SPECC1: variants seen among roughly 807,000 people sequenced by gnomAD.
SPECC1 encodes the protein sperm antigen with calponin homology and coiled-coil domains 1.
SPECC1 carries 62 observed loss-of-function variants against 104.1 expected under a neutral mutation model. The observed-to-expected ratio is 0.60, with a 90% CI of 0.49 to 0.74. SPECC1 has a LOEUF of 0.74. Ranked by LOEUF, SPECC1 falls within the 30% of genes least tolerant of loss-of-function variation. The probability of loss-of-function intolerance (pLI) is 0.00; values close to 1 mark genes in which losing one functional copy is unlikely to be tolerated. For missense variants in SPECC1, 1,306 were observed against 1,310.5 expected (o/e 1.00, Z 0.05); for synonymous variants, 513 against 501.6 (o/e 1.02, Z -0.30).
chr17:20,227,679 C>G, intron 5 of SPECC1, 59 bp downstream of exon 5: 2 of 1,512,044 alleles, frequency 1.3e-6, no homozygotes, highest in Non-Finnish European at 1.8e-6. Flanking sequence ...CTTTGGGAGG[C>G]TGAGGCAGGA....
At chr17:20,085,596 C>A (rs1047619573) in intron 1 of SPECC1, among the ~76,000 whole-genome samples, 1 of 152,220 alleles carries the variant, frequency 6.6e-6, no homozygotes, top group African/African-American at 2.4e-5. Context: ...ATTCCAGGCA[C>A]TGAATAAATT....
At chr17:20,304,117 C>CAAAAAAA (rs774130653) in intron 13 of SPECC1, among the ~76,000 whole-genome samples, 2 of 39,336 alleles carry the variant, frequency 5.1e-5, no homozygotes, top group South Asian at 1.7e-3. Flanking sequence ...ACTAAAAATA[C>CAAAAAAA]AAAAAAAAAA....
intron 3 of SPECC1, among the ~76,000 whole-genome samples, chr17:20,187,696 C>G (rs1268385545): frequency 2.0e-5 from 3 of 152,170 alleles, no homozygotes; most frequent in Non-Finnish European, 4.4e-5. Context: ...TTTTCTCTTG[C>G]AACCAAGAGA....
At chr17:20,210,888 A>G (rs1027751603) in intron 4 of SPECC1, among the ~76,000 whole-genome samples, 20 of 151,824 alleles carry the variant, frequency 1.3e-4, no homozygotes, top group Admixed American at 7.2e-4. Flanking sequence ...TCTGGCAGTC[A>G]TGTTTGCTCA....
At chr17:20,057,049 G>T (rs56371654) in intron 1 of SPECC1, among the ~76,000 whole-genome samples, 32,741 of 152,072 alleles carry the variant, frequency 0.22, 4,576 homozygotes, top group Middle Eastern at 0.35. Context: ...TATGCATTCA[G>T]ATTAAATATG....
intron 2 of SPECC1, among the ~76,000 whole-genome samples, chr17:20,102,130 G>A (rs1184653399): frequency 6.6e-6 from 1 of 152,172 alleles, no homozygotes; most frequent in Non-Finnish European, 1.5e-5. Flanking sequence ...GCTGTGGCCA[G>A]GAAACAAAGC....
At chr17:20,212,770 G>A (rs1307775310) in intron 4 of SPECC1, among the ~76,000 whole-genome samples, 1 of 152,218 alleles carries the variant, frequency 6.6e-6, no homozygotes, top group Non-Finnish European at 1.5e-5. Flanking sequence ...TAGGTGTTCA[G>A]TAAATACTTT....
intron 4 of SPECC1, among the ~76,000 whole-genome samples, chr17:20,216,251 C>T (rs569019708): frequency 6.8e-4 from 104 of 152,070 alleles, no homozygotes; most frequent in Middle Eastern, 3.4e-3. Flanking sequence ...TATCTGCAGT[C>T]GGGGAGAGCA....
intron 1 of SPECC1, among the ~76,000 whole-genome samples, chr17:20,035,728 C>G (rs2045045334): frequency 6.6e-6 from 1 of 152,060 alleles, no homozygotes; most frequent in Admixed American, 6.5e-5. Context: ...CTAAAACAAT[C>G]CTCCTTTGTC....
At chr17:20,192,048 T>G (rs1438521123) in intron 3 of SPECC1, among the ~76,000 whole-genome samples, 2 of 152,126 alleles carry the variant, frequency 1.3e-5, no homozygotes. Flanking sequence ...GTGATCCTTC[T>G]TCTTCAGTCT....
At chr17:20,036,478 T>C (rs2045086232) in intron 1 of SPECC1, among the ~76,000 whole-genome samples, 2 of 152,238 alleles carry the variant, frequency 1.3e-5, no homozygotes, top group African/African-American at 4.8e-5. Context: ...GTATTTATCA[T>C]GTACAACATG....
intron 3 of SPECC1, among the ~76,000 whole-genome samples, chr17:20,195,628 G>C (rs2035982077): frequency 6.6e-6 from 1 of 151,334 alleles, no homozygotes; most frequent in Non-Finnish European, 1.5e-5. Context: ...CGCTATCTTG[G>C]CTCACTGCAA....
At position 20,032,936 on chromosome 17, in the gene SPECC1, GCA is replaced by G. The variant is rs149393057; in HGVS notation, c.-22+23529_-22+23530del. Among the ~76,000 whole-genome samples, 422 of 147,650 alleles carry G rather than the reference GCA, an allele frequency of 2.9e-3. 1 individual carries two copies. The highest frequency in any genetic ancestry group is 8.4e-3 in the African/African-American group (338 of 40,326). ...TGTATGTGTATATACACACACGCGC[GCA>G]CACACACACACACACATATATATAT... On this transcript the variant is annotated intron_variant, in intron 1 of 14. Coordinates refer to ENST00000395527, the MANE Select transcript of SPECC1 (RefSeq NM_001243439.2).
At chr17:20,298,918 C>CG (rs2041444665) in intron 13 of SPECC1, among the ~76,000 whole-genome samples, 5 of 66,474 alleles carry the variant, frequency 7.5e-5, no homozygotes, top group South Asian at 1.6e-3. Flanking sequence ...AAAGCAGAAC[C>CG]AAAAGAGAGA....
intron 1 of SPECC1, among the ~76,000 whole-genome samples, chr17:20,032,509 C>T (rs531099232): frequency 6.6e-6 from 1 of 151,690 alleles, no homozygotes; most frequent in East Asian, 1.9e-4. Context: ...GTATATTTGT[C>T]TCACTAAATT....
chr17:20,086,404 C>T (rs2047178356), intron 1 of SPECC1, among the ~76,000 whole-genome samples: 1 of 152,200 alleles, frequency 6.6e-6, no homozygotes, highest in Non-Finnish European at 1.5e-5. Context: ...AGCCTCTTCA[C>T]ATGCCGAGGC....
chr17:20,105,622 CT>C (rs1311681178), intron 2 of SPECC1, among the ~76,000 whole-genome samples: 13 of 152,212 alleles, frequency 8.5e-5, no homozygotes, highest in African/African-American at 3.1e-4. Context: ...GAGCATGGTG[CT>C]GCAGCTACCT....
chr17:20,184,269 G>A (rs2035113288), intron 3 of SPECC1, among the ~76,000 whole-genome samples: 2 of 151,808 alleles, frequency 1.3e-5, no homozygotes. Context: ...CTATGACCAG[G>A]ATGTATTATC....
chr17:20,215,461 G>C (rs2037427580), intron 4 of SPECC1, among the ~76,000 whole-genome samples: 1 of 152,126 alleles, frequency 6.6e-6, no homozygotes, highest in Admixed American at 6.5e-5. Context: ...TTATGAGTCA[G>C]GTATCTTTCT....
Sources: allele counts gnomAD v4.1 joint callset (sites outside exome capture counted in the v4.1 genomes callset), GRCh38; gene constraint gnomAD v4.1.1; transcripts MANE v1.5; gene names NCBI Gene and HGNC (gene_info 2026-07-23, HGNC 2026-07-21).